RNF169: variants seen among roughly 807,000 people sequenced by gnomAD.
RNF169 encodes ring finger protein 169.
RNF169 carries 24 observed loss-of-function variants against 53.9 expected under a neutral mutation model. The ratio of observed to expected loss-of-function variants is 0.45; its 90% confidence interval spans 0.32 to 0.63. RNF169 has a LOEUF of 0.63. Among genes scored for constraint, RNF169 ranks in the 20% least tolerant of loss-of-function variants. The probability of loss-of-function intolerance (pLI) is 0.04; values close to 1 mark genes in which losing one functional copy is unlikely to be tolerated. For missense variants in RNF169, 883 were observed against 906.2 expected, an observed-to-expected ratio of 0.97 and a Z score of 0.33; for synonymous variants, 396 against 363.5, an observed-to-expected ratio of 1.09 and a Z score of -1.02.
At chr11:74,804,170 A>G (rs1045471407) in intron 2 of RNF169, among the ~76,000 whole-genome samples, 30 of 152,148 alleles carry the variant, frequency 2.0e-4, no homozygotes, top group African/African-American at 5.8e-4. Flanking sequence ...TGGCATGTCT[A>G]CATTGTCCTA....
intron 1 of RNF169, among the ~76,000 whole-genome samples, chr11:74,769,788 T>C (rs751407211): frequency 2.0e-4 from 30 of 152,182 alleles, no homozygotes; most frequent in Non-Finnish European, 3.4e-4. Context: ...AATCAGCCAA[T>C]GTAGACTCTA....
intron 4 of RNF169, among the ~76,000 whole-genome samples, chr11:74,821,047 A>G (rs2036002967): frequency 6.6e-6 from 1 of 152,236 alleles, no homozygotes; most frequent in South Asian, 2.1e-4. Context: ...GAGTACAGAG[A>G]AGGAATTGGA....
In RNF169 at chr11:74,835,873, T is replaced by C. The variant is rs759865020; in HGVS notation, c.1270T>C (p.Tyr424His). The change falls in exon 6 of 6, where the codon TAT becomes CAT. Residue 424 changes from tyrosine to histidine, a missense_variant. Tyr to His is a moderately conservative substitution (Grantham distance 83). Around this residue, in one of 3 missense-constraint regions of RNF169, gnomAD observed 219 missense variants for 289.1 expected, o/e 0.76. Transcript: ENST00000299563. ...LNRSLQKQTS[Y>H]EASPRILKKW... ...CAGAAGCCTGCAGAAGCAGACTTCT[T>C]ATGAGGCCAGTCCACGGATCCTCAA... 1.2e-6 allele frequency: 2 copies of C among 1,614,128 alleles called. No homozygotes were observed. Among genetic ancestry groups the C allele is most frequent in the East Asian group, 2.2e-5 (1 of 44,878 alleles).
chr11:74,802,919 AT>A (rs199747486), intron 2 of RNF169, among the ~76,000 whole-genome samples: 27 of 98,642 alleles, frequency 2.7e-4, no homozygotes, highest in South Asian at 1.2e-3. Context: ...AACACAAGTA[AT>A]TTTTTTTGGG....
At chr11:74,753,499 A>G (rs2034933755) in intron 1 of RNF169, among the ~76,000 whole-genome samples, 1 of 152,230 alleles carries the variant, frequency 6.6e-6, no homozygotes, top group African/African-American at 2.4e-5. Flanking sequence ...CAACAGGATT[A>G]CTAGGTTGGC....
chr11:74,815,937 A>G (rs1234795389), intron 3 of RNF169, among the ~76,000 whole-genome samples: 1 of 152,242 alleles, frequency 6.6e-6, no homozygotes. Context: ...AGAGTTGAGA[A>G]GAGAATATTA....
Position 74,749,131 on chromosome 11 carries a change from G to C in RNF169, c.251G>C (p.Gly84Ala). The C allele has an allele frequency of 7.5e-7, 1 of 1,339,692 alleles. No individual in the cohort carries two copies. 83.0% of individuals were successfully genotyped at this position (1,339,692 alleles called of 1,614,324 possible). Residue 84 changes from glycine to alanine, a missense_variant, in exon 1 of 6, where the codon GGC (glycine) becomes GCC (alanine). Physicochemically the swap from Gly to Ala is moderately conservative, Grantham distance 60 (BLOSUM62 0). Around this residue, in one of 3 missense-constraint regions of RNF169, gnomAD observed 313 missense variants for 279.9 expected, o/e 1.12. Coordinates refer to ENST00000299563, the MANE Select transcript of RNF169 (RefSeq NM_001098638.2). ...PPGEAAALPC[G>A]HSLCRGCAQR... The stretch of plus-strand genomic sequence containing the variant: ...GGAGAAGCAGCGGCCCTGCCGTGCG[G>C]CCACTCGCTTTGCCGAGGCTGCGCC...
chr11:74,783,309 TC>T (rs2035444393), intron 1 of RNF169, among the ~76,000 whole-genome samples: 1 of 152,010 alleles, frequency 6.6e-6, no homozygotes, highest in African/African-American at 2.4e-5. Context: ...TCAGGAAGGA[TC>T]TTCAGGGAAC....
chr11:74,750,637 G>A (rs1395506261), intron 1 of RNF169, among the ~76,000 whole-genome samples: 2 of 112,920 alleles, frequency 1.8e-5, no homozygotes, highest in African/African-American at 7.1e-5. Flanking sequence ...TCGCACTGTC[G>A]CCCGGGCTGG....
intron 4 of RNF169, among the ~76,000 whole-genome samples, chr11:74,826,519 C>T (rs761910957): frequency 9.2e-5 from 14 of 152,158 alleles, no homozygotes; most frequent in Non-Finnish European, 1.5e-4. Context: ...CCCCTGGCCC[C>T]TCCCAAATAT....
Position 74,796,396 on chromosome 11 carries a change from G to A in RNF169, c.576+6697G>A, listed in dbSNP as rs188784113. On this transcript the variant is annotated intron_variant, in intron 2 of 5. Coordinates refer to ENST00000299563, the MANE Select transcript of RNF169 (RefSeq NM_001098638.2). The stretch of plus-strand genomic sequence containing the variant: ...TGCATGTTGAAATGAAAAAATTCTA[G>A]GAAGATATTACTTCAGTATTGATAT... Among the ~76,000 whole-genome samples the A allele has an allele frequency of 2.0e-5, 3 of 152,230 alleles. No individual in the cohort carries two copies. In the East Asian group the frequency reaches 5.8e-4, roughly 29 times the overall value.
At chr11:74,815,182 T>C (rs965937309) in intron 3 of RNF169, among the ~76,000 whole-genome samples, 1 of 152,138 alleles carries the variant, frequency 6.6e-6, no homozygotes, top group African/African-American at 2.4e-5. Context: ...ATATTGGGAA[T>C]AGAAATGTAG....
chr11:74,830,844 C>T (rs1212613052), intron 4 of RNF169: 1 of 151,932 alleles, frequency 6.6e-6, no homozygotes, highest in African/African-American at 2.4e-5. Context: ...AGGATTTATT[C>T]CAAGAATGCA....
chr11:74,766,385 A>G (rs186910686), intron 1 of RNF169, among the ~76,000 whole-genome samples: 23 of 152,346 alleles, frequency 1.5e-4, no homozygotes, highest in African/African-American at 4.8e-4. Flanking sequence ...AAAAGATACA[A>G]TCAGTTTAAG....
chr11:74,812,778 C>T (rs138982377), intron 3 of RNF169, among the ~76,000 whole-genome samples: 1,562 of 152,186 alleles, frequency 0.01, 32 homozygotes, highest in African/African-American at 0.034. Context: ...GTGATTAGAG[C>T]GAGACTGATC....
chr11:74,818,301 G>A (rs1313254561), intron 4 of RNF169, among the ~76,000 whole-genome samples: 2 of 152,162 alleles, frequency 1.3e-5, no homozygotes, highest in African/African-American at 2.4e-5. Context: ...AGAAATGGAG[G>A]AAAGAAGGAG....
At chr11:74,753,219 C>T (rs540015559) in intron 1 of RNF169, among the ~76,000 whole-genome samples, 2 of 152,332 alleles carry the variant, frequency 1.3e-5, no homozygotes, top group East Asian at 3.9e-4. Flanking sequence ...CCACCCACCT[C>T]GGCCTCCCAA....
At chr11:74,760,403 A>C (rs1363625453) in intron 1 of RNF169, among the ~76,000 whole-genome samples, 7 of 151,632 alleles carry the variant, frequency 4.6e-5, no homozygotes, top group Admixed American at 2.0e-4. Flanking sequence ...TTGTGATGTT[A>C]GGGTGTCAAT....
At chr11:74,788,717 A>C (rs1281069916) in intron 1 of RNF169, among the ~76,000 whole-genome samples, 1 of 152,174 alleles carries the variant, frequency 6.6e-6, no homozygotes, top group Non-Finnish European at 1.5e-5. Context: ...GCAGTGTGTT[A>C]AAAAATTTCT....
Sources: gnomAD v4.1 joint callset for allele counts (sites outside exome capture counted in the v4.1 genomes callset) on GRCh38, gnomAD v4.1.1 for gene constraint, gnomAD v4.1.1 regional missense constraint, MANE v1.5 for transcripts, NCBI Gene and HGNC (gene_info 2026-07-23, HGNC 2026-07-21) for gene names.